The following ZAN variants were observed in gnomAD, a reference collection of about 807,000 sequenced individuals.
ZAN encodes zonadhesin.
ZAN carries 260 observed loss-of-function variants against 286.2 expected under a neutral mutation model. The ratio of observed to expected loss-of-function variants is 0.91; its 90% CI spans 0.82 to 1.01. The LOEUF is 1.01. Among genes scored for constraint, ZAN ranks in the 50% least tolerant of loss-of-function variants. The probability of loss-of-function intolerance (pLI) is 0.00; values close to 1 mark genes in which losing one functional copy is unlikely to be tolerated. For synonymous variants in ZAN, 1,368 were observed against 1,417.5 expected, an observed-to-expected ratio of 0.97 and a Z score of 0.79; for missense variants, 3,410 against 3,639.2, an observed-to-expected ratio of 0.94 and a Z score of 1.62.
rs769919821 is a variant in ZAN, at chr7:100,762,355, A to C, written c.3983A>C (p.Gln1328Pro). The C allele has an allele frequency of 1.9e-6, 3 of 1,606,660 alleles. No individual in the cohort carries two copies. Among genetic ancestry groups the C allele is most frequent in the Non-Finnish European group, 2.6e-6 (3 of 1,175,530 alleles). ...NSWQTDQDED[Q>P]ECQKYQVVNS... ...TGGCAGACGGACCAGGACGAGGACC[A>C]GGAGTGAGCAAGGAGCCCTCCCACC... The change falls in exon 20 of 48, where the codon CAG (glutamine) becomes CCG (proline). Residue 1328 changes from glutamine to proline, a missense_variant. Physicochemically the swap from Gln to Pro is moderately conservative, Grantham distance 76 (BLOSUM62 -1). Coordinates refer to ENST00000613979, the MANE Select transcript of ZAN (RefSeq NM_003386.3).
chr7:100,784,989 T>G (rs1168502871), intron 36 of ZAN, among the ~76,000 whole-genome samples, 155 bp downstream of exon 36: 2 of 152,054 alleles, frequency 1.3e-5, no homozygotes, highest in Non-Finnish European at 2.9e-5. Context: ...TCCAGCCAGG[T>G]CTGGGCTGAT....
At chr7:100,792,631 G>A (rs1812065399) in intron 42 of ZAN, 152 bp downstream of exon 42, 7 of 1,448,178 alleles carry the variant, frequency 4.8e-6, no homozygotes, top group Non-Finnish European at 5.5e-6. Flanking sequence ...CCTCATCTCG[G>A]GCTTTCTGTC....
In ZAN at chr7:100,779,473, G is replaced by T. The variant is rs12539083; in HGVS notation, c.6345G>T (p.Gln2115His). ...GTCAGAGTCTCCTGGTAGATGAGCA[G>T]CAGATTCCAGCGGAACAGCAGGAGA... ...PSCQSLLVDE[Q>H]QIPAEQQENP... Residue 2115 changes from glutamine (Q) to histidine (H), a missense_variant, in exon 35 of 48, where the codon CAG (glutamine) becomes CAT (histidine). By Grantham distance (24) the Gln-to-His change is conservative. Coordinates refer to ENST00000613979, the MANE Select transcript of ZAN (RefSeq NM_003386.3). 1 of 1,609,422 alleles carries T rather than the reference G, an allele frequency of 6.2e-7. No homozygotes were observed. Among genetic ancestry groups the T allele is most frequent in the South Asian group, 1.1e-5 (1 of 90,810 alleles).
intron 39 of ZAN, among the ~76,000 whole-genome samples, chr7:100,790,514 A>T (rs1017045857): frequency 6.7e-6 from 1 of 149,974 alleles, no homozygotes; most frequent in African/African-American, 2.5e-5. Context: ...GTGAGCGGAG[A>T]TCACACCGCT....
intron 25 of ZAN, 38 bp downstream of exon 25, chr7:100,767,295 C>T: frequency 6.3e-7 from 1 of 1,580,510 alleles, no homozygotes; most frequent in Non-Finnish European, 8.6e-7. Flanking sequence ...CCCTGAACAC[C>T]CAGCCTGCTT....
At chr7:100,739,300 G>A (rs1807580162) in intron 7 of ZAN, among the ~76,000 whole-genome samples, 1 of 136,994 alleles carries the variant, frequency 7.3e-6, no homozygotes, top group African/African-American at 2.7e-5. Flanking sequence ...GTGAGCCATT[G>A]CTTCTGGCCC....
At chr7:100,789,985 G>T (rs1811831069) in intron 39 of ZAN, among the ~76,000 whole-genome samples, 1 of 151,722 alleles carries the variant, frequency 6.6e-6, no homozygotes, top group South Asian at 2.1e-4. Flanking sequence ...AGGTGTGATG[G>T]TGCATGCCTG....
chr7:100,769,415 T>C (rs1013767099), intron 27 of ZAN, among the ~76,000 whole-genome samples: 6 of 151,978 alleles, frequency 3.9e-5, no homozygotes, highest in African/African-American at 1.4e-4. Context: ...TTTGCTTCGG[T>C]TTGGGAGATG....
At chr7:100,762,412 G>A in intron 20 of ZAN, 54 bp downstream of exon 20, 1 of 1,316,706 alleles carries the variant, frequency 7.6e-7, no homozygotes, top group Non-Finnish European at 1.0e-6. Flanking sequence ...CCCCTTCCTG[G>A]AACTCTCTTT....
At chr7:100,734,367 C>T in intron 2 of ZAN, 146 bp downstream of exon 2, 1 of 538,156 alleles carries the variant, frequency 1.9e-6, no homozygotes, top group Non-Finnish European at 3.1e-6. Context: ...CGCCTGTAAT[C>T]CCAGCACTTT....
In ZAN at chr7:100,736,560, G is replaced by C; in HGVS notation, c.184G>C (p.Asp62His). The C allele has an allele frequency of 6.6e-7, 1 of 1,523,388 alleles. No homozygotes were observed. Among genetic ancestry groups the C allele is most frequent in the Non-Finnish European group, 9.0e-7 (1 of 1,107,684 alleles). 94.4% of individuals were successfully genotyped at this position (1,523,388 alleles called of 1,614,324 possible). ...DWSQVSADDE[D>H]WVRASGPSPT... ...GTCCCAAGTGTCCGCAGACGATGAA[G>C]ACTGGGTTCGAGCCAGTGGGCCCTC... The change falls in exon 4 of 48, where the codon GAC becomes CAC. Residue 62 changes from aspartate (D) to histidine (H), a missense_variant. Asp to His is a moderately conservative substitution (Grantham distance 81). Around this residue, in one of 7 missense-constraint regions of ZAN, gnomAD observed 872 missense variants for 938.9 expected, o/e 0.93. Transcript: ENST00000613979.
At chr7:100,796,926 C>T (rs905211731) in intron 45 of ZAN, among the ~76,000 whole-genome samples, 4 of 152,020 alleles carry the variant, frequency 2.6e-5, no homozygotes, top group African/African-American at 9.7e-5. Context: ...TCACTTGAGC[C>T]AGGAGTTCAA....
rs913335068 is a variant in ZAN, at chr7:100,750,728, G to A, written c.1353G>A (p.Glu451=). The A allele has an allele frequency of 3.1e-6, 5 of 1,612,968 alleles. No individual in the cohort carries two copies. The African/African-American group carries it at 5.3e-5, about 17-fold the overall frequency. Residue 451 remains glutamate (E), a synonymous_variant, in exon 12 of 48, where the codon GAG becomes GAA. Transcript: ENST00000613979. ...GCGCCCCAGGTGACATCTGCGTGGA[G>A]TTCGCATACCACATGTATGGCCTTG... The part of the protein sequence containing the change: ...PFCAPGDICV[E]FAYHMYGLGE...
At chr7:100,767,774 G>A (rs1174354539) in intron 25 of ZAN, 57 bp from the exon 26 acceptor site, 3 of 1,559,672 alleles carry the variant, frequency 1.9e-6, no homozygotes, top group Admixed American at 1.9e-5. Context: ...CCCCGTCCTT[G>A]CCTTTATCCC....
intron 39 of ZAN, among the ~76,000 whole-genome samples, chr7:100,790,702 G>T (rs1360088735): frequency 6.6e-6 from 1 of 151,872 alleles, no homozygotes; most frequent in East Asian, 1.9e-4. Context: ...GGCCAACATG[G>T]TGAAACACTG....
Position 100,793,969 on chromosome 7 carries a change from A to G in ZAN, c.7937A>G (p.Glu2646Gly). ...AGGCTATGCCTACAGTGGCACCCAG[A>G]GCCTCCCCTGGCTGACTGTGGCTGC... ...HPRLCLQWHP[E>G]PPLADCGCTS... Residue 2646 changes from glutamate (E) to glycine (G), a missense_variant, in exon 43 of 48, where the codon GAG becomes GGG. By Grantham distance (98) the Glu-to-Gly change is moderately conservative (BLOSUM62 -2). Around this residue, in one of 7 missense-constraint regions of ZAN, gnomAD observed 1,289 missense variants for 1,314.3 expected, o/e 0.98. Transcript: ENST00000613979. 3 of 1,613,796 alleles carry G rather than the reference A, an allele frequency of 1.9e-6. No homozygotes were observed. The highest frequency in any genetic ancestry group is 1.1e-5 in the South Asian group (1 of 91,082).
chr7:100,797,669 G>T, intron 47 of ZAN, 38 bp from the exon 48 acceptor site: 12 of 1,613,984 alleles, frequency 7.4e-6, no homozygotes, highest in Non-Finnish European at 1.0e-5. Flanking sequence ...CTAGAGTTGA[G>T]TCTCCTCTCA....
intron 37 of ZAN, 89 bp downstream of exon 37, chr7:100,786,230 C>T (rs60918541): frequency 0.018 from 28,285 of 1,558,920 alleles, 1,032 homozygotes; most frequent in South Asian, 0.11. Flanking sequence ...AGGGGCTTAG[C>T]CTGAACCCCA....
intron 22 of ZAN, 125 bp from the exon 23 acceptor site, chr7:100,765,227 A>ACT: frequency 9.0e-7 from 1 of 1,114,238 alleles, no homozygotes; most frequent in Non-Finnish European, 1.3e-6. Flanking sequence ...TCTCACAGTC[A>ACT]CTCTCTCTTC....
Sources: allele counts gnomAD v4.1 joint callset (sites outside exome capture counted in the v4.1 genomes callset), GRCh38; gene constraint gnomAD v4.1.1; regional missense constraint gnomAD v4.1.1; transcripts MANE v1.5; gene names NCBI Gene and HGNC (gene_info 2026-07-23, HGNC 2026-07-21).